Variants in FOXI2 observed in about 807,000 individuals in gnomAD.
FOXI2 encodes forkhead box I2.
Under a neutral mutation model 14.3 loss-of-function variants are expected in FOXI2, and 17 were observed. The ratio of observed to expected loss-of-function variants is 1.19; its 90% CI spans 0.81 to 1.78. The LOEUF (loss-of-function observed/expected upper bound fraction) is 1.78, where lower values mean the gene tolerates loss of function less well. Among genes scored for constraint, FOXI2 ranks in the 40% most tolerant of loss-of-function variants. The probability of loss-of-function intolerance (pLI) is 0.00; values close to 1 mark genes in which losing one functional copy is unlikely to be tolerated. For missense variants in FOXI2, 541 were observed against 460.0 expected (o/e 1.18, Z -1.61); for synonymous variants, 240 against 218.8 (o/e 1.10, Z -0.85).
rs1033417843 is a variant in FOXI2, at chr10:127,739,044, C to G, written c.*79C>G. ...CCGGTTTCCCCTGGTGACAGCCCCA[C>G]GTGTTGGCGTTGAAGGCCTTGGTGC... On this transcript the variant is annotated 3_prime_UTR_variant, in exon 2 of 2. Transcript: ENST00000388920. The G allele has an allele frequency of 2.1e-5, 27 of 1,287,354 alleles. No homozygotes were observed. The African/African-American group carries it at 3.7e-4, about 18-fold the overall frequency. The allele number at this position is 1,287,354 out of a possible 1,614,324, so 79.7% of individuals were successfully genotyped here.
Position 127,738,641 on chromosome 10 carries a change from C to T in FOXI2, c.633C>T (p.Ser211=), listed in dbSNP as rs1268441087. The T allele has an allele frequency of 6.2e-7, 1 of 1,600,594 alleles. No individual in the cohort carries two copies. The change falls in exon 2 of 2, where the codon AGC becomes AGT. Residue 211 remains serine, a synonymous_variant. Coordinates refer to ENST00000388920, the MANE Select transcript of FOXI2 (RefSeq NM_207426.3). ...CGGCCGTGCGCTCGGGAGCCAGGAGCGTGGGAGGGGCCGAGGCGCCAGCGC... is the reference window on the plus strand; with the variant it reads ...CGGCCGTGCGCTCGGGAGCCAGGAGTGTGGGAGGGGCCGAGGCGCCAGCGC... ...ASAAVRSGAR[S]VGGAEAPALE...
chr10:127,737,259 C>A lies in FOXI2; in HGVS notation c.-15C>A, dbSNP rs1201809947. The A allele has an allele frequency of 2.7e-6, 4 of 1,471,494 alleles. No individual in the cohort carries two copies. The highest frequency in any genetic ancestry group is 3.6e-6 in the Non-Finnish European group (4 of 1,121,716). 91.2% of individuals were successfully genotyped at this position (1,471,494 alleles called of 1,614,324 possible). ...CGGTGCGGCACCGCTGGCCCAGGCCCGGGCGCGGCTGGACATGGCCACCTA... is the reference window on the plus strand; with the variant it reads ...CGGTGCGGCACCGCTGGCCCAGGCCAGGGCGCGGCTGGACATGGCCACCTA... On this transcript the variant is annotated 5_prime_UTR_variant, in exon 1 of 2. Transcript: ENST00000388920.
chr10:127,737,258 C>A lies in FOXI2; in HGVS notation c.-16C>A. The stretch of plus-strand genomic sequence containing the variant: ...TCGGTGCGGCACCGCTGGCCCAGGC[C>A]CGGGCGCGGCTGGACATGGCCACCT... On this transcript the variant is annotated 5_prime_UTR_variant, in exon 1 of 2. Transcript: ENST00000388920. 6.8e-7 allele frequency: 1 copy of A among 1,471,978 alleles called. No homozygotes were observed. The highest frequency in any genetic ancestry group is 8.9e-7 in the Non-Finnish European group (1 of 1,121,916). 91.2% of individuals were successfully genotyped at this position (1,471,978 alleles called of 1,614,324 possible).
intron 1 of FOXI2, among the ~76,000 whole-genome samples, chr10:127,738,308 TC>T (rs1846443508): frequency 6.6e-6 from 1 of 152,052 alleles, no homozygotes; most frequent in Admixed American, 6.6e-5. Context: ...AGGGCTCCCT[TC>T]CTCCTCCTTT....
intron 1 of FOXI2, among the ~76,000 whole-genome samples, 191 bp from the exon 2 acceptor site, chr10:127,738,329 C>A (rs1161017359): frequency 6.6e-6 from 1 of 152,064 alleles, no homozygotes; most frequent in Admixed American, 6.6e-5. Flanking sequence ...TCTGGATTGT[C>A]ACTTTCTTCC....
rs1039638917 is a variant in FOXI2, at chr10:127,739,089, CCGGGGGCG to C, written c.*125_*132del. ...TGGTGCCCTGGGAGGAAGCGCAGAG[CCGGGGGCG>C]GCTCGGCCAGCAGGGAGCTGGGCTG... On this transcript the variant is annotated 3_prime_UTR_variant, in exon 2 of 2. Transcript: ENST00000388920. 21 of 878,364 alleles carry C rather than the reference CCGGGGGCG, an allele frequency of 2.4e-5. No individual in the cohort carries two copies. The African/African-American group carries it at 2.6e-4, about 11-fold the overall frequency. 54.4% of individuals were successfully genotyped at this position (878,364 alleles called of 1,614,324 possible). A position where few individuals can be genotyped will look rare whatever the true frequency, so the allele number is the denominator to read the frequency against.
Position 127,739,050 on chromosome 10 carries a change from G to A in FOXI2, c.*85G>A. 1 of 1,197,304 alleles carries A rather than the reference G, an allele frequency of 8.4e-7. No individual in the cohort carries two copies. Among genetic ancestry groups the A allele is most frequent in the Non-Finnish European group, 1.2e-6 (1 of 864,438 alleles). 74.2% of individuals were successfully genotyped at this position (1,197,304 alleles called of 1,614,324 possible). A position where few individuals can be genotyped will look rare whatever the true frequency, so the allele number is the denominator to read the frequency against. ...TCCCCTGGTGACAGCCCCACGTGTT[G>A]GCGTTGAAGGCCTTGGTGCCCTGGG... On this transcript the variant is annotated 3_prime_UTR_variant, in exon 2 of 2. Coordinates refer to ENST00000388920, the MANE Select transcript of FOXI2 (RefSeq NM_207426.3).
At position 127,740,822 on chromosome 10, in the gene FOXI2, A is replaced by C. The variant is rs1338940779; in HGVS notation, c.*1857A>C. On this transcript the variant is annotated 3_prime_UTR_variant, in exon 2 of 2. Transcript: ENST00000388920. Reference sequence around the variant, plus strand: ...GTGTGTGTGTGTGCGTGTGTGCGTAAGACAGAGAGGGAGGGAGAAGGAAGG... The same window carrying C: ...GTGTGTGTGTGTGCGTGTGTGCGTACGACAGAGAGGGAGGGAGAAGGAAGG... 1.3e-5 allele frequency: 2 copies of C among 152,274 alleles called. No individual in the cohort carries two copies. Among genetic ancestry groups the C allele is most frequent in the Non-Finnish European group, 2.9e-5 (2 of 68,214 alleles). 9.4% of individuals were successfully genotyped at this position (152,274 alleles called of 1,614,324 possible).
At position 127,739,919 on chromosome 10, in the gene FOXI2, ACC is replaced by A. The variant is rs5788867; in HGVS notation, c.*956_*957del. 2.6e-4 allele frequency: 11 copies of A among 41,936 alleles called. No individual in the cohort carries two copies. Among genetic ancestry groups the A allele is most frequent in the African/African-American group, 3.9e-4 (4 of 10,316 alleles). The allele number at this position is 41,936 out of a possible 1,614,324, so 2.6% of individuals were successfully genotyped here. A position where few individuals can be genotyped will look rare whatever the true frequency, so the allele number is the denominator to read the frequency against. On this transcript the variant is annotated 3_prime_UTR_variant, in exon 2 of 2. Coordinates refer to ENST00000388920, the MANE Select transcript of FOXI2 (RefSeq NM_207426.3). ...CACACTCACACACACTCACACCCAC[ACC>A]CACACTCACACCCACACACACTCAC...
chr10:127,738,505 TTTC>T lies in FOXI2; in HGVS notation c.512-7_512-5del, dbSNP rs1450807054. The T allele has an allele frequency of 3.1e-6, 5 of 1,601,242 alleles. No homozygotes were observed. The highest frequency in any genetic ancestry group is 1.3e-5 in the African/African-American group (1 of 74,620). ...AGCTCGAACCTTCTGAACTGGGCTG[TTTC>T]TTCTTCTGCAGGTAAAGGCAATTAC... On this transcript the variant is annotated splice_polypyrimidine_tract_variant and intron_variant, in intron 1 of 1. Transcript: ENST00000388920.
chr10:127,737,584 C>G lies in FOXI2; in HGVS notation c.311C>G (p.Pro104Arg). The G allele has an allele frequency of 6.4e-7, 1 of 1,551,838 alleles. No individual in the cohort carries two copies. The highest frequency in any genetic ancestry group is 2.4e-5 in the East Asian group (1 of 40,908). The change falls in exon 1 of 2, where the codon CCC (proline) becomes CGC (arginine). Residue 104 changes from proline (P) to arginine (R), a missense_variant. Physicochemically the swap from Pro to Arg is moderately radical, Grantham distance 103 (BLOSUM62 -2). Coordinates refer to ENST00000388920, the MANE Select transcript of FOXI2 (RefSeq NM_207426.3). ...QQELLRLVRP[P>R]YSYSALIAMA... Reference sequence around the variant, plus strand: ...GAGCTGCTGAGGCTGGTGCGGCCGCCCTACTCCTACTCGGCGCTCATCGCC... The same window carrying G: ...GAGCTGCTGAGGCTGGTGCGGCCGCGCTACTCCTACTCGGCGCTCATCGCC...
At position 127,739,939 on chromosome 10, in the gene FOXI2, A is replaced by C. The variant is rs1254793383; in HGVS notation, c.*974A>C. The C allele has an allele frequency of 2.0e-5, 1 of 49,180 alleles. No homozygotes were observed. Among genetic ancestry groups the C allele is most frequent in the Non-Finnish European group, 3.8e-5 (1 of 26,166 alleles). 3.0% of individuals were successfully genotyped at this position (49,180 alleles called of 1,614,324 possible). ...CCCACACCCACACTCACACCCACACACACTCACACCCACACACACCCACAC... is the reference window on the plus strand; with the variant it reads ...CCCACACCCACACTCACACCCACACCCACTCACACCCACACACACCCACAC... On this transcript the variant is annotated 3_prime_UTR_variant, in exon 2 of 2. Transcript: ENST00000388920.
Position 127,738,555 on chromosome 10 carries a change from G to C in FOXI2, c.547G>C (p.Glu183Gln). 6.2e-7 allele frequency: 1 copy of C among 1,613,176 alleles called. No homozygotes were observed. Among genetic ancestry groups the C allele is most frequent in the Non-Finnish European group, 8.5e-7 (1 of 1,179,566 alleles). Residue 183 changes from glutamate (E) to glutamine (Q), a missense_variant, in exon 2 of 2, where the codon GAG becomes CAG. By Grantham distance (29) the Glu-to-Gln change is conservative. Coordinates refer to ENST00000388920, the MANE Select transcript of FOXI2 (RefSeq NM_207426.3). The stretch of plus-strand genomic sequence containing the variant: ...TTACTGGACCCTGGACCCCAACTGC[G>C]AGAAGATGTTTGACAACGGGAACTT... ...GNYWTLDPNC[E>Q]KMFDNGNFRR...
Position 127,737,623 on chromosome 10 carries a change from G to T in FOXI2, c.350G>T (p.Ser117Ile). Reference protein sequence around the residue: ...YSALIAMAIQSAPLRKLTLSQ... With the variant: ...YSALIAMAIQIAPLRKLTLSQ... Reference sequence around the variant, plus strand: ...GCGCTCATCGCCATGGCCATCCAGAGCGCGCCGCTGCGGAAGCTGACGCTC... The same window carrying T: ...GCGCTCATCGCCATGGCCATCCAGATCGCGCCGCTGCGGAAGCTGACGCTC... The change falls in exon 1 of 2, where the codon AGC becomes ATC. Residue 117 changes from serine (S) to isoleucine (I), a missense_variant. Ser to Ile is a moderately radical substitution (Grantham distance 142, BLOSUM62 -2). Transcript: ENST00000388920. 6.4e-7 allele frequency: 1 copy of T among 1,563,634 alleles called. No homozygotes were observed. The highest frequency in any genetic ancestry group is 8.7e-7 in the Non-Finnish European group (1 of 1,154,524).
At position 127,737,322 on chromosome 10, in the gene FOXI2, C is replaced by T. The variant is rs762129101; in HGVS notation, c.49C>T (p.Gln17Ter). ...GGGCCCCTCCTCGGCCCCGCCCGGCCAGGCCCAGGCCACCGCGCACCCCCC... is the reference window on the plus strand; with the variant it reads ...GGGCCCCTCCTCGGCCCCGCCCGGCTAGGCCCAGGCCACCGCGCACCCCCC... Reference protein sequence around the residue: ...DLGPSSAPPGQAQATAHPPGY... With the variant: ...DLGPSSAPPG The change falls in exon 1 of 2, where the codon CAG becomes TAG. Residue 17 changes from glutamine (Q) to a stop codon, truncating the protein, a stop_gained. Transcript: ENST00000388920. LOFTEE classifies it high-confidence loss of function. 2.8e-6 allele frequency: 4 copies of T among 1,447,774 alleles called. No homozygotes were observed. The South Asian group carries it at 5.5e-5, about 20-fold the overall frequency. 89.7% of individuals were successfully genotyped at this position (1,447,774 alleles called of 1,614,324 possible).
At chr10:127,737,940 C>T (rs536896380) in intron 1 of FOXI2, among the ~76,000 whole-genome samples, 156 bp downstream of exon 1, 3 of 152,314 alleles carry the variant, frequency 2.0e-5, no homozygotes, top group African/African-American at 7.2e-5. Flanking sequence ...AGTGCTTGGG[C>T]ATGGACAGGT....
chr10:127,738,417 A>G, intron 1 of FOXI2, 103 bp from the exon 2 acceptor site: 1 of 888,558 alleles, frequency 1.1e-6, no homozygotes, highest in Non-Finnish European at 1.7e-6. Context: ...GACCCTCTGT[A>G]AGGGCCAGCA....
Position 127,738,907 on chromosome 10 carries a change from C to A in FOXI2, c.899C>A (p.Ala300Glu), listed in dbSNP as rs1037198103. Reference protein sequence around the residue: ...SPGFAPGHQTAAAGFRLSHLL... With the variant: ...SPGFAPGHQTEAAGFRLSHLL... The stretch of plus-strand genomic sequence containing the variant: ...GGCTTCGCCCCTGGCCACCAGACCG[C>A]GGCCGCCGGCTTCCGCCTCAGTCAC... The change falls in exon 2 of 2, where the codon GCG becomes GAG. Residue 300 changes from alanine (A) to glutamate (E), a missense_variant. Coordinates refer to ENST00000388920, the MANE Select transcript of FOXI2 (RefSeq NM_207426.3). 2 of 1,604,002 alleles carry A rather than the reference C, an allele frequency of 1.2e-6. No individual in the cohort carries two copies. Among genetic ancestry groups the A allele is most frequent in the Non-Finnish European group, 1.7e-6 (2 of 1,179,318 alleles).
Position 127,739,968 on chromosome 10 carries a change from TACTC to T in FOXI2, c.*1006_*1009del, listed in dbSNP as rs1267522153. 4,944 of 43,374 alleles carry T rather than the reference TACTC, an allele frequency of 0.11. 857 individuals carry two copies. The highest frequency in any genetic ancestry group is 0.13 in the Middle Eastern group (5 of 38). 2.7% of individuals were successfully genotyped at this position (43,374 alleles called of 1,614,324 possible). A position where few individuals can be genotyped will look rare whatever the true frequency, so the allele number is the denominator to read the frequency against. On this transcript the variant is annotated 3_prime_UTR_variant, in exon 2 of 2. Coordinates refer to ENST00000388920, the MANE Select transcript of FOXI2 (RefSeq NM_207426.3). ...TCACACCCACACACACCCACACTCA[TACTC>T]ACACTCACACCCACACTCACACCAC... is the stretch of plus-strand genomic sequence containing the variant.
Sources: allele counts gnomAD v4.1 joint callset (sites outside exome capture counted in the v4.1 genomes callset), GRCh38; gene constraint gnomAD v4.1.1; transcripts MANE v1.5; gene names NCBI Gene and HGNC (gene_info 2026-07-23, HGNC 2026-07-21).